Variants in EBAG9 observed in about 807,000 individuals in gnomAD.
EBAG9 encodes estrogen receptor binding site associated antigen 9.
A neutral mutation model predicts 30.9 loss-of-function variants in EBAG9; 16 were observed. The observed-to-expected ratio is 0.52, with a 90% CI of 0.35 to 0.79. The LOEUF (loss-of-function observed/expected upper bound fraction) is 0.79. Ranked by LOEUF, EBAG9 falls within the 30% of genes least tolerant of loss-of-function variation. The pLI is 0.01. For synonymous variants in EBAG9, 93 were observed against 82.8 expected, an observed-to-expected ratio of 1.12 and a Z score of -0.67; for missense variants, 197 against 242.1, an observed-to-expected ratio of 0.81 and a Z score of 1.24.
At chr8:109,550,366 C>G (rs923499107) in intron 1 of EBAG9, 2 of 152,942 alleles carry the variant, frequency 1.3e-5, no homozygotes, top group African/African-American at 4.8e-5. Context: ...AGTTATTTGA[C>G]CTCTCTTAAT....
At position 109,553,928 on chromosome 8, in the gene EBAG9, A is replaced by T. The variant is rs373171389; in HGVS notation, c.147A>T (p.Ser49=). The T allele has an allele frequency of 1.4e-5, 23 of 1,608,880 alleles. 1 individual carries two copies. The highest frequency in any genetic ancestry group is 3.3e-4 in the Middle Eastern group (2 of 6,072). ...QITLPTTVDY[S]SVPKQTDVEE... is the part of the protein sequence containing the mutation. The stretch of plus-strand genomic sequence containing the variant: ...CTTTGCCAACTACAGTTGATTATTC[A>T]TCAGTTCCTAAGCAGGTAGGTTTTT... Residue 49 remains serine, a synonymous_variant, in exon 3 of 7, where the codon TCA becomes TCT. Transcript: ENST00000337573.
In EBAG9 at chr8:109,553,948, GT is replaced by G. The variant is rs536381456; in HGVS notation, c.162+13del. 645 of 1,586,818 alleles carry G rather than the reference GT, an allele frequency of 4.1e-4. 4 individuals carry two copies. The African/African-American group carries it at 7.3e-3, about 18-fold the overall frequency. Reference sequence around the variant, plus strand: ...TATTCATCAGTTCCTAAGCAGGTAGGTTTTTTTTGTGTGTTCTTTTGTTTTG... The same window carrying G: ...TATTCATCAGTTCCTAAGCAGGTAGGTTTTTTTGTGTGTTCTTTTGTTTTG... On this transcript the variant is annotated splice_donor_region_variant and intron_variant, in intron 3 of 6. Coordinates refer to ENST00000337573, the MANE Select transcript of EBAG9 (RefSeq NM_004215.5).
chr8:109,549,035 A>G (rs1352541196), intron 1 of EBAG9, among the ~76,000 whole-genome samples: 1 of 151,250 alleles, frequency 6.6e-6, no homozygotes. Flanking sequence ...ATATTACTGT[A>G]GGTTTTTCAT....
Position 109,550,910 on chromosome 8 carries a change from A to G in EBAG9, c.83+3A>G. On this transcript the variant is annotated splice_donor_region_variant and intron_variant, in intron 2 of 6. Transcript: ENST00000337573. ...TTCCTAAAGAGATTAATATGCAGGT[A>G]AATAAGTTTTATGTTCAAACTAACC... 1 of 1,561,170 alleles carries G rather than the reference A, an allele frequency of 6.4e-7. No individual in the cohort carries two copies. Among genetic ancestry groups the G allele is most frequent in the Non-Finnish European group, 8.7e-7 (1 of 1,144,046 alleles).
At chr8:109,560,712 A>C in intron 5 of EBAG9, 126 bp from the exon 6 acceptor site, 1 of 667,346 alleles carries the variant, frequency 1.5e-6, no homozygotes. Flanking sequence ...GGACAGGGTA[A>C]GGAAGCTGAG....
At chr8:109,547,375 C>T (rs1230668807) in intron 1 of EBAG9, among the ~76,000 whole-genome samples, 2 of 152,134 alleles carry the variant, frequency 1.3e-5, no homozygotes, top group African/African-American at 4.8e-5. Flanking sequence ...TAGTTTGAAT[C>T]ATCCCAGTAG....
Position 109,554,854 on chromosome 8 carries a change from G to A in EBAG9, c.288G>A (p.Lys96=), listed in dbSNP as rs370306388. The A allele has an allele frequency of 6.2e-7, 1 of 1,613,538 alleles. No homozygotes were observed. Among genetic ancestry groups the A allele is most frequent in the Non-Finnish European group, 8.5e-7 (1 of 1,179,720 alleles). Residue 96 remains lysine (K), a synonymous_variant, in exon 4 of 7, where the codon AAG becomes AAA. Coordinates refer to ENST00000337573, the MANE Select transcript of EBAG9 (RefSeq NM_004215.5). Reference sequence around the variant, plus strand: ...AACAACTGGAACCTGACTATTTTAAGGACATGACACCAACTATTAGGAAAA... The same window carrying A: ...AACAACTGGAACCTGACTATTTTAAAGACATGACACCAACTATTAGGAAAA... The part of the protein sequence containing the change: ...SLEQLEPDYF[K]DMTPTIRKTQ...
chr8:109,556,243 G>A (rs539822819), intron 4 of EBAG9, among the ~76,000 whole-genome samples: 1 of 151,802 alleles, frequency 6.6e-6, no homozygotes, highest in Non-Finnish European at 1.5e-5. Context: ...TAATACAGTT[G>A]TTCCTCACCT....
chr8:109,554,810 A>T lies in EBAG9; in HGVS notation c.244A>T (p.Thr82Ser), dbSNP rs752861880. 1.9e-6 allele frequency: 3 copies of T among 1,613,896 alleles called. No homozygotes were observed. In the Admixed American group the frequency reaches 5.0e-5, roughly 27 times the overall value. Residue 82 changes from threonine to serine, a missense_variant, in exon 4 of 7, where the codon ACA becomes TCA. Physicochemically the swap from Thr to Ser is moderately conservative, Grantham distance 58. Coordinates refer to ENST00000337573, the MANE Select transcript of EBAG9 (RefSeq NM_004215.5). ...KIEGGNGNVA[T>S]QQNSLEQLEP... ...CGAAGGAGGGAATGGGAATGTGGCA[A>T]CACAACAAAATTCTTTGGAACAACT...
chr8:109,544,460 C>A (rs1821343718), intron 1 of EBAG9, among the ~76,000 whole-genome samples: 1 of 152,112 alleles, frequency 6.6e-6, no homozygotes, highest in South Asian at 2.1e-4. Context: ...TTTGTTATTA[C>A]CTGGTTGTTT....
intron 6 of EBAG9, chr8:109,563,579 T>C: frequency 2.7e-6 from 2 of 741,848 alleles, no homozygotes; most frequent in Middle Eastern, 3.1e-4. Context: ...CTACCACTCT[T>C]TTTTTTTTTT....
chr8:109,564,459 G>C lies in EBAG9; in HGVS notation c.542G>C (p.Arg181Thr). 6.2e-7 allele frequency: 1 copy of C among 1,612,502 alleles called. No individual in the cohort carries two copies. The highest frequency in any genetic ancestry group is 8.5e-7 in the Non-Finnish European group (1 of 1,178,918). ...TTCAGACAGCAGAAACTAGCAGACA[G>C]AGAAAAGAGAGCAGCCGAACAACAA... ...EVLRQQKLAD[R>T]EKRAAEQQRK... The change falls in exon 7 of 7, where the codon AGA becomes ACA. Residue 181 changes from arginine (R) to threonine (T), a missense_variant. By Grantham distance (71) the Arg-to-Thr change is moderately conservative. Transcript: ENST00000337573.
At chr8:109,551,047 G>T in intron 2 of EBAG9, 140 bp downstream of exon 2, 2 of 578,224 alleles carry the variant, frequency 3.5e-6, no homozygotes, top group South Asian at 2.2e-5. Context: ...TTAATTCCTA[G>T]TCATTTTTAG....
At chr8:109,563,424 C>T (rs1821747464) in intron 6 of EBAG9, 1 of 1,597,568 alleles carries the variant, frequency 6.3e-7, no homozygotes, top group Non-Finnish European at 8.5e-7. Context: ...GTTTACTCTG[C>T]TCTCTCCTGT....
intron 6 of EBAG9, chr8:109,563,605 CA>C (rs1307103399): frequency 8.9e-6 from 13 of 1,463,936 alleles, no homozygotes; most frequent in Non-Finnish European, 1.1e-5. Flanking sequence ...AACTTAAGTT[CA>C]GGGGGACATG....
In EBAG9 at chr8:109,564,684, A is replaced by G. The variant is rs1183349781; in HGVS notation, c.*125A>G. 1 of 1,346,276 alleles carries G rather than the reference A, an allele frequency of 7.4e-7. No homozygotes were observed. The highest frequency in any genetic ancestry group is 1.0e-6 in the Non-Finnish European group (1 of 994,256). The allele number at this position is 1,346,276 out of a possible 1,614,324, so 83.4% of individuals were successfully genotyped here. ...TTGATTTTAATACATTGATCAGGCC[A>G]TCCAGGACACCACGATTCTCCCAAA... On this transcript the variant is annotated 3_prime_UTR_variant, in exon 7 of 7. Transcript: ENST00000337573.
chr8:109,562,033 C>T (rs1353086348), intron 6 of EBAG9, among the ~76,000 whole-genome samples: 2 of 151,342 alleles, frequency 1.3e-5, no homozygotes, highest in Admixed American at 6.6e-5. Flanking sequence ...AAATTGTGAA[C>T]TATAACACTT....
At chr8:109,548,638 C>G (rs1184533262) in intron 1 of EBAG9, among the ~76,000 whole-genome samples, 1 of 151,966 alleles carries the variant, frequency 6.6e-6, no homozygotes, top group Admixed American at 6.5e-5. Flanking sequence ...ATTAATAGGC[C>G]TTTTAACTGT....
chr8:109,557,811 A>G (rs1821631494), intron 5 of EBAG9: 1 of 398,702 alleles, frequency 2.5e-6, no homozygotes, highest in South Asian at 1.7e-5. Flanking sequence ...GCTCACTTCT[A>G]CACCTGACAA....
Sources: allele counts gnomAD v4.1 joint callset (sites outside exome capture counted in the v4.1 genomes callset), GRCh38; gene constraint gnomAD v4.1.1; transcripts MANE v1.5; gene names NCBI Gene and HGNC (gene_info 2026-07-23, HGNC 2026-07-21).